The following ATP13A3 variants were observed in gnomAD, a reference collection of about 807,000 sequenced individuals.
ATP13A3 encodes the protein ATPase 13A3, also known as polyamine-transporting ATPase 13A3.
In ATP13A3, 59 loss-of-function variants were observed where a neutral mutation model predicts 158.1. The observed-to-expected ratio is 0.37, with a 90% CI of 0.30 to 0.46. The LOEUF (loss-of-function observed/expected upper bound fraction) is 0.46. Among genes scored for constraint, ATP13A3 ranks in the 20% least tolerant of loss-of-function variants. ATP13A3 has a pLI of 1.00. For missense variants in ATP13A3, 1,166 were observed against 1,525.2 expected (o/e 0.76, Z 3.92); for synonymous variants, 491 against 504.3 (o/e 0.97, Z 0.35).
Position 194,455,878 on chromosome 3 carries a change from A to T in ATP13A3, c.630+15T>A. 7.0e-7 allele frequency: 1 copy of T among 1,432,580 alleles called. No individual in the cohort carries two copies. The highest frequency in any genetic ancestry group is 9.6e-7 in the Non-Finnish European group (1 of 1,039,684). 88.7% of individuals were successfully genotyped at this position (1,432,580 alleles called of 1,614,324 possible). A position where few individuals can be genotyped will look rare whatever the true frequency, so the allele number is the denominator to read the frequency against. ...TGATCATGACTGTTAAGTTATATACAATCAATAGTCTTACCTCTTTAATTA... is the reference window on the plus strand; with the variant it reads ...TGATCATGACTGTTAAGTTATATACTATCAATAGTCTTACCTCTTTAATTA... On this transcript the variant is annotated intron_variant, in intron 8 of 33. Transcript: ENST00000645319.
At chr3:194,483,426 C>CAAAAAAAAAAAAAAAAA (rs1228588078) in intron 2 of ATP13A3, among the ~76,000 whole-genome samples, 1 of 120,378 alleles carries the variant, frequency 8.3e-6, no homozygotes. Flanking sequence ...CCCACCTCTA[C>CAAAAAAAAAAAAAAAAA]AAAAAAAAAA....
intron 4 of ATP13A3, 24 bp from the exon 5 acceptor site, chr3:194,459,995 G>A (rs2108967272): frequency 6.4e-7 from 1 of 1,559,526 alleles, no homozygotes; most frequent in Non-Finnish European, 8.7e-7. Context: ...AGGGATAACG[G>A]TAAGGAGTCA....
chr3:194,437,297 A>G lies in ATP13A3; in HGVS notation c.1999+14T>C, dbSNP rs767785876. The G allele has an allele frequency of 1.2e-6, 2 of 1,614,218 alleles. No homozygotes were observed. The highest frequency in any genetic ancestry group is 1.7e-6 in the Non-Finnish European group (2 of 1,180,034). ...AATACCAGAATTGTACCCAAAGCAT[A>G]GATATTTCCTTACCTGTTTCAGGTT... On this transcript the variant is annotated intron_variant, in intron 19 of 33. Coordinates refer to ENST00000645319, the MANE Select transcript of ATP13A3 (RefSeq NM_001367549.1).
At chr3:194,454,161 T>G in intron 9 of ATP13A3, 97 bp downstream of exon 9, 567 of 1,192,082 alleles carry the variant, frequency 4.8e-4, no homozygotes, top group Non-Finnish European at 6.1e-4. Flanking sequence ...ATGACTGCAT[T>G]GAGAATTTAC....
At chr3:194,466,596 A>C (rs2109000773) in intron 2 of ATP13A3, among the ~76,000 whole-genome samples, 2 of 152,338 alleles carry the variant, frequency 1.3e-5, no homozygotes, top group East Asian at 1.9e-4. Context: ...GCAAAGTTAA[A>C]AGCTGAGTGA....
At chr3:194,474,869 G>A (rs1193091034) in intron 2 of ATP13A3, among the ~76,000 whole-genome samples, 1 of 152,168 alleles carries the variant, frequency 6.6e-6, no homozygotes, top group Non-Finnish European at 1.5e-5. Flanking sequence ...GCTTCACACT[G>A]GCCACACCGC....
chr3:194,429,551 T>C (rs550649197), intron 27 of ATP13A3, 127 bp downstream of exon 27: 2 of 545,700 alleles, frequency 3.7e-6, no homozygotes, highest in African/African-American at 2.0e-5. Context: ...AAATTGAAGG[T>C]AAATTTATAG....
rs183945605 is a variant in ATP13A3, at chr3:194,425,651, C to T, written c.3126-122G>A. On this transcript the variant is annotated intron_variant, in intron 29 of 33. Coordinates refer to ENST00000645319, the MANE Select transcript of ATP13A3 (RefSeq NM_001367549.1). Reference sequence around the variant, plus strand: ...ACAAATAGAAATATGATATTTACAGCAAAAGGTCCAACAATATCAATATAA... The same window carrying T: ...ACAAATAGAAATATGATATTTACAGTAAAAGGTCCAACAATATCAATATAA... 1.9e-3 allele frequency: 1,377 copies of T among 742,124 alleles called. 2 individuals carry two copies. Among genetic ancestry groups the T allele is most frequent in the Non-Finnish European group, 1.8e-3 (838 of 469,888 alleles). The allele number at this position is 742,124 out of a possible 1,614,324, so 46.0% of individuals were successfully genotyped here.
intron 30 of ATP13A3, among the ~76,000 whole-genome samples, chr3:194,421,552 C>CA (rs34760027): frequency 0.045 from 3,222 of 71,526 alleles, 147 homozygotes; most frequent in African/African-American, 0.11. Flanking sequence ...GACTCCATCT[C>CA]AAAAAAAAAA....
intron 20 of ATP13A3, among the ~76,000 whole-genome samples, chr3:194,435,997 C>G (rs1717609543): frequency 6.6e-6 from 1 of 152,166 alleles, no homozygotes; most frequent in Non-Finnish European, 1.5e-5. Flanking sequence ...CCCTAGCACC[C>G]TTGCTAGTGT....
At chr3:194,444,444 G>A (rs1718258989) in intron 15 of ATP13A3, among the ~76,000 whole-genome samples, 1 of 152,100 alleles carries the variant, frequency 6.6e-6, no homozygotes, top group Admixed American at 6.6e-5. Flanking sequence ...ATCATTCATG[G>A]ATACTTATTT....
At chr3:194,451,469 G>T (rs1397187165) in intron 10 of ATP13A3, 1 of 152,188 alleles carries the variant, frequency 6.6e-6, no homozygotes, top group African/African-American at 2.4e-5. Flanking sequence ...AAGTTGAATG[G>T]TATGTCTGCC....
chr3:194,450,600 A>G (rs1278938927), intron 10 of ATP13A3: 4 of 250,174 alleles, frequency 1.6e-5, no homozygotes, highest in Non-Finnish European at 2.4e-5. Context: ...AAGAGACACA[A>G]TGAGTCCACA....
chr3:194,437,536 A>C lies in ATP13A3; in HGVS notation c.1845+20T>G, dbSNP rs755276728. 1 of 1,611,514 alleles carries C rather than the reference A, an allele frequency of 6.2e-7. No homozygotes were observed. The highest frequency in any genetic ancestry group is 8.5e-7 in the Non-Finnish European group (1 of 1,178,718). ...ATCAAAACAAATATACTTAGTAAGA[A>C]GTAAACATTCTTCACTTACTGGAAG... On this transcript the variant is annotated intron_variant, in intron 18 of 33. Transcript: ENST00000645319.
chr3:194,430,306 A>C lies in ATP13A3; in HGVS notation c.2634T>G (p.Val878=). The C allele has an allele frequency of 6.2e-7, 1 of 1,613,624 alleles. No individual in the cohort carries two copies. Among genetic ancestry groups the C allele is most frequent in the Non-Finnish European group, 8.5e-7 (1 of 1,179,646 alleles). ...IEALQNVDYF[V]GMCGDGANDC... is the part of the protein sequence containing the mutation. ...CATTTGCGCCATCACCACACATCCCAACAAAATAACTAAGAAACAAAACAA... is the reference window on the plus strand; with the variant it reads ...CATTTGCGCCATCACCACACATCCCCACAAAATAACTAAGAAACAAAACAA... The change falls in exon 25 of 34, where the codon GTT becomes GTG. Residue 878 remains valine, a synonymous_variant. Coordinates refer to ENST00000645319, the MANE Select transcript of ATP13A3 (RefSeq NM_001367549.1).
chr3:194,430,166 G>A lies in ATP13A3; in HGVS notation c.2683C>T (p.His895Tyr). The A allele has an allele frequency of 6.2e-7, 1 of 1,614,062 alleles. No homozygotes were observed. The highest frequency in any genetic ancestry group is 2.2e-5 in the East Asian group (1 of 44,870). ...ANDCGALKRA[H>Y]GGISLSELEA... ...AGCTCCGATAAGGAAATGCCTCCGT[G>A]TGCCCTCTTCAAAGCCTAATAATTT... The change falls in exon 26 of 34, where the codon CAC becomes TAC. Residue 895 changes from histidine (H) to tyrosine (Y), a missense_variant. This residue lies in a region of ATP13A3 where 997 missense variants were observed against 1,341.2 expected (regional missense o/e 0.74). Coordinates refer to ENST00000645319, the MANE Select transcript of ATP13A3 (RefSeq NM_001367549.1).
intron 6 of ATP13A3, among the ~76,000 whole-genome samples, chr3:194,458,684 G>A (rs564358274): frequency 2.6e-5 from 4 of 152,172 alleles, no homozygotes; most frequent in South Asian, 2.1e-4. Context: ...CACCATGCCC[G>A]GCCTGATTTT....
At chr3:194,406,774 A>T (rs1453213508) in intron 33 of ATP13A3, among the ~76,000 whole-genome samples, 1 of 152,200 alleles carries the variant, frequency 6.6e-6, no homozygotes. Flanking sequence ...ACATGAAGTA[A>T]ATATCGTTTG....
At chr3:194,440,269 T>C (rs1717953725) in intron 16 of ATP13A3, among the ~76,000 whole-genome samples, 1 of 152,116 alleles carries the variant, frequency 6.6e-6, no homozygotes, top group Admixed American at 6.5e-5. Flanking sequence ...CCAGAGTAGC[T>C]GAGCTAAAGA....
Sources: allele counts gnomAD v4.1 joint callset (sites outside exome capture counted in the v4.1 genomes callset), GRCh38; gene constraint gnomAD v4.1.1; regional missense constraint gnomAD v4.1.1; transcripts MANE v1.5; gene names NCBI Gene and HGNC (gene_info 2026-07-23, HGNC 2026-07-21).